The following GNA12 variants were observed in gnomAD, a reference collection of about 807,000 sequenced individuals.
GNA12 encodes G protein subunit alpha 12.
Under a neutral mutation model 26.0 loss-of-function variants are expected in GNA12, and 9 were observed. That is an observed-to-expected ratio of 0.35 (90% CI 0.21 to 0.60). The LOEUF (loss-of-function observed/expected upper bound fraction) is 0.60. Among genes scored for constraint, GNA12 ranks in the 20% least tolerant of loss-of-function variants. GNA12 has a pLI of 0.78. For synonymous variants in GNA12, 264 were observed against 219.6 expected (o/e 1.20, Z -1.79); for missense variants, 405 against 525.8 (o/e 0.77, Z 2.25).
chr7:2,756,949 C>T (rs1176962884), intron 2 of GNA12, among the ~76,000 whole-genome samples: 4 of 151,988 alleles, frequency 2.6e-5, no homozygotes, highest in African/African-American at 9.7e-5. Flanking sequence ...TGGCACATGC[C>T]TGTAGTTCCA....
intron 2 of GNA12, among the ~76,000 whole-genome samples, chr7:2,781,730 T>C (rs908799673): frequency 4.6e-5 from 7 of 152,128 alleles, no homozygotes; most frequent in African/African-American, 1.7e-4. Flanking sequence ...AAAAATAAGC[T>C]ACATGAAATT....
At chr7:2,824,241 C>A (rs1319526841) in intron 1 of GNA12, among the ~76,000 whole-genome samples, 1 of 152,158 alleles carries the variant, frequency 6.6e-6, no homozygotes, top group Non-Finnish European at 1.5e-5. Context: ...CCGTGAATGT[C>A]CAAGTCAGAT....
At chr7:2,814,088 C>T (rs890520942) in intron 1 of GNA12, among the ~76,000 whole-genome samples, 1 of 152,270 alleles carries the variant, frequency 6.6e-6, no homozygotes, top group East Asian at 1.9e-4. Context: ...GTTCTCAGGC[C>T]TTCGGACATG....
In GNA12 at chr7:2,731,149, C is replaced by G; in HGVS notation, c.*32G>C. 3 of 1,495,900 alleles carry G rather than the reference C, an allele frequency of 2.0e-6. No individual in the cohort carries two copies. The highest frequency in any genetic ancestry group is 2.8e-6 in the Non-Finnish European group (3 of 1,086,896). 92.7% of individuals were successfully genotyped at this position (1,495,900 alleles called of 1,614,324 possible). On this transcript the variant is annotated 3_prime_UTR_variant, in exon 4 of 4. Coordinates refer to ENST00000275364, the MANE Select transcript of GNA12 (RefSeq NM_007353.3). The surrounding 1 kb of genome is among the most constrained non-coding windows in gnomAD (Gnocchi z 6.0). Reference sequence around the variant, plus strand: ...GTCTGACCGACAGCCGTGGGGGCTGCTCAACGACGACAAACCCCGGGGCTT... The same window carrying G: ...GTCTGACCGACAGCCGTGGGGGCTGGTCAACGACGACAAACCCCGGGGCTT...
At chr7:2,741,218 C>T (rs1244494799) in intron 2 of GNA12, among the ~76,000 whole-genome samples, 3 of 152,042 alleles carry the variant, frequency 2.0e-5, no homozygotes, top group Non-Finnish European at 2.9e-5. Context: ...CTAGGTGTGG[C>T]GGCACGCACA....
Position 2,834,817 on chromosome 7 carries a change from G to A in GNA12, c.309+9036C>T, listed in dbSNP as rs1354551149. Among the ~76,000 whole-genome samples, 9 of 152,192 alleles carry A rather than the reference G, an allele frequency of 5.9e-5. No individual in the cohort carries two copies. The East Asian group carries it at 1.7e-3, about 29-fold the overall frequency. On this transcript the variant is annotated intron_variant, in intron 1 of 3. Coordinates refer to ENST00000275364, the MANE Select transcript of GNA12 (RefSeq NM_007353.3). ...AACATGCGGTACAGGTTTGCAGTCT[G>A]GGAGCAATAGGCCTAGGTATACGGT...
chr7:2,778,527 C>T (rs535402371), intron 2 of GNA12, among the ~76,000 whole-genome samples: 12 of 152,228 alleles, frequency 7.9e-5, no homozygotes, highest in Non-Finnish European at 1.5e-4. Flanking sequence ...GATCATCTCT[C>T]CACAAGTTGG....
At chr7:2,758,240 T>C (rs17132648) in intron 2 of GNA12, among the ~76,000 whole-genome samples, 3,632 of 152,258 alleles carry the variant, frequency 0.024, 99 homozygotes, top group Middle Eastern at 0.075. Context: ...AAACAAGGCT[T>C]TAGGGCCGGG....
rs1041056812 is a variant in GNA12 at position 2,737,274 on chromosome 7, G to GTTTTTTT, written c.526-3780_526-3774dup. Among the ~76,000 whole-genome samples, 193 of 35,010 alleles carry GTTTTTTT rather than the reference G, an allele frequency of 5.5e-3. 21 individuals carry two copies. Among genetic ancestry groups the GTTTTTTT allele is most frequent in the East Asian group, 0.024 (29 of 1,200 alleles). The allele number at this position is 35,010 out of a possible 152,430, so 23.0% of individuals were successfully genotyped here. A position where few individuals can be genotyped will look rare whatever the true frequency, so the allele number is the denominator to read the frequency against. On this transcript the variant is annotated intron_variant, in intron 2 of 3. Transcript: ENST00000275364. ...AGGAGCTATCTCACAGTTTTGTTTT[G>GTTTTTTT]TTTTTTTTTTTTTTGTTTTTTTTTT...
At chr7:2,795,275 T>C in intron 1 of GNA12, 132 bp from the exon 2 acceptor site, 1 of 688,536 alleles carries the variant, frequency 1.5e-6, no homozygotes, top group South Asian at 1.8e-5. Flanking sequence ...AGCCTGAGTC[T>C]GTCTCTTGGT....
chr7:2,751,695 G>A (rs756133930), intron 2 of GNA12, among the ~76,000 whole-genome samples: 2 of 152,166 alleles, frequency 1.3e-5, no homozygotes, highest in African/African-American at 2.4e-5. Context: ...CTATAGCTCC[G>A]TCAAACATTG....
At chr7:2,840,316 A>T (rs34617479) in intron 1 of GNA12, among the ~76,000 whole-genome samples, 1,600 of 152,346 alleles carry the variant, frequency 0.011, 14 homozygotes, top group Non-Finnish European at 0.018. Flanking sequence ...CTAATTAGGT[A>T]GCTGACTTTG....
intron 1 of GNA12, among the ~76,000 whole-genome samples, chr7:2,837,793 CAGA>C (rs949003324): frequency 9.9e-5 from 15 of 150,986 alleles, no homozygotes; most frequent in Non-Finnish European, 2.1e-4. Flanking sequence ...GAAATGACAA[CAGA>C]AGAAGGCTTA....
chr7:2,834,883 G>C (rs1048576237), intron 1 of GNA12, among the ~76,000 whole-genome samples: 1 of 152,138 alleles, frequency 6.6e-6, no homozygotes, highest in Non-Finnish European at 1.5e-5. Flanking sequence ...ACTCTAGGAT[G>C]TTTGCGTAAG....
intron 2 of GNA12, among the ~76,000 whole-genome samples, chr7:2,741,678 G>C (rs137965504): frequency 2.0e-5 from 3 of 151,930 alleles, no homozygotes; most frequent in African/African-American, 7.2e-5. Flanking sequence ...TTTATCCTTC[G>C]CTCGCTCTCT....
intron 2 of GNA12, among the ~76,000 whole-genome samples, chr7:2,769,890 A>T (rs943115593): frequency 3.3e-5 from 5 of 152,132 alleles, no homozygotes; most frequent in Admixed American, 1.3e-4. Flanking sequence ...TTTTTTTCTG[A>T]ATTTGATGGG....
intron 1 of GNA12, chr7:2,835,915 G>A: frequency 1.9e-6 from 1 of 537,536 alleles, no homozygotes; most frequent in Non-Finnish European, 3.5e-6. Context: ...AGAAGCAACT[G>A]ACGCCTTAGA....
rs1789818777 is a variant in GNA12 at position 2,730,247 on chromosome 7, CTG to C, written c.*932_*933del. 1 of 152,460 alleles carries C rather than the reference CTG, an allele frequency of 6.6e-6. No individual in the cohort carries two copies. 9.4% of individuals were successfully genotyped at this position (152,460 alleles called of 1,614,324 possible). A position where few individuals can be genotyped will look rare whatever the true frequency, so the allele number is the denominator to read the frequency against. ...AGAAGGAAACGCTATGTGCTGCCAACTGTGTGTGAGCAGATGACTTGCAGGAA... is the reference window on the plus strand; with the variant it reads ...AGAAGGAAACGCTATGTGCTGCCAACTGTGTGAGCAGATGACTTGCAGGAA... On this transcript the variant is annotated 3_prime_UTR_variant, in exon 4 of 4. Transcript: ENST00000275364.
rs944363437 is a variant in GNA12, at chr7:2,745,285, C to T, written c.526-11784G>A. Among the ~76,000 whole-genome samples the T allele has an allele frequency of 1.0e-3, 155 of 152,276 alleles. 1 individual carries two copies. Among genetic ancestry groups the T allele is most frequent in the African/African-American group, 3.7e-3 (154 of 41,548 alleles). Reference sequence around the variant, plus strand: ...AGCCAGAGAGAAAGGTCAGGTTACCCACAAAGGGAAGCCCATCAGACTAAC... The same window carrying T: ...AGCCAGAGAGAAAGGTCAGGTTACCTACAAAGGGAAGCCCATCAGACTAAC... On this transcript the variant is annotated intron_variant, in intron 2 of 3. Transcript: ENST00000275364.
Sources: allele counts gnomAD v4.1 joint callset (sites outside exome capture counted in the v4.1 genomes callset), GRCh38; gene constraint gnomAD v4.1.1; non-coding constraint Gnocchi (gnomAD v3.1); transcripts MANE v1.5; gene names NCBI Gene and HGNC (gene_info 2026-07-23, HGNC 2026-07-21).